PLEKHA8: variants seen among roughly 807,000 people sequenced by gnomAD.
PLEKHA8 encodes pleckstrin homology domain containing A8.
Under a neutral mutation model 68.2 loss-of-function variants are expected in PLEKHA8, and 36 were observed. The observed-to-expected ratio is 0.53, with a 90% CI of 0.40 to 0.70. The LOEUF is 0.70. PLEKHA8 is among the 30% of genes least tolerant of loss of function. The pLI is 0.00. For missense variants in PLEKHA8, 505 were observed against 615.4 expected (o/e 0.82, Z 1.90); for synonymous variants, 211 against 216.1 (o/e 0.98, Z 0.20).
chr7:30,055,375 A>G (rs181057965), intron 9 of PLEKHA8, 33 bp downstream of exon 9: 2 of 1,580,656 alleles, frequency 1.3e-6, no homozygotes, highest in Non-Finnish European at 1.7e-6. Flanking sequence ...ACATTCATTC[A>G]TGTCTAGAAT....
intron 1 of PLEKHA8, among the ~76,000 whole-genome samples, chr7:30,033,200 G>A (rs1258211014): frequency 6.6e-6 from 1 of 152,164 alleles, no homozygotes; most frequent in Non-Finnish European, 1.5e-5. Flanking sequence ...GTACAAGTCA[G>A]TGATTTTAGT....
intron 13 of PLEKHA8, among the ~76,000 whole-genome samples, chr7:30,105,017 C>T (rs892432586): frequency 3.3e-5 from 5 of 151,960 alleles, no homozygotes; most frequent in Non-Finnish European, 7.4e-5. Flanking sequence ...TGAGCCACTG[C>T]GCCCAGCCTC....
intron 1 of PLEKHA8, among the ~76,000 whole-genome samples, chr7:30,029,924 T>A (rs549851059): frequency 1.3e-4 from 20 of 152,360 alleles, no homozygotes; most frequent in African/African-American, 3.6e-4. Context: ...CTTTGCTTAG[T>A]GTAATTAGCA....
In PLEKHA8 at chr7:30,028,847, TTGTC is replaced by T. The variant is rs766211095; in HGVS notation, c.40+48_40+51del. On this transcript the variant is annotated intron_variant, in intron 1 of 13. Coordinates refer to ENST00000449726, the MANE Select transcript of PLEKHA8 (RefSeq NM_001197026.2). ...CGGGGGCGCGCCGGGGGCCGGTCCT[TTGTC>T]TGCGCGGCTGGAGGGCGGTGTCTGG... 5.8e-5 allele frequency: 73 copies of T among 1,249,672 alleles called. No homozygotes were observed. The East Asian group carries it at 9.4e-4, about 16-fold the overall frequency. The allele number at this position is 1,249,672 out of a possible 1,614,324, so 77.4% of individuals were successfully genotyped here. A position where few individuals can be genotyped will look rare whatever the true frequency, so the allele number is the denominator to read the frequency against.
At chr7:30,102,772 G>T (rs1795897874) in intron 13 of PLEKHA8, among the ~76,000 whole-genome samples, 2 of 152,234 alleles carry the variant, frequency 1.3e-5, no homozygotes, top group Non-Finnish European at 2.9e-5. Context: ...GGGCACCCAG[G>T]TGTGGTGGCT....
rs931787038 is a variant in PLEKHA8, at chr7:30,028,683, C to G, written c.-80C>G. 4 of 1,111,928 alleles carry G rather than the reference C, an allele frequency of 3.6e-6. No individual in the cohort carries two copies. Among genetic ancestry groups the G allele is most frequent in the Non-Finnish European group, 4.6e-6 (4 of 871,260 alleles). 68.9% of individuals were successfully genotyped at this position (1,111,928 alleles called of 1,614,324 possible). A position where few individuals can be genotyped will look rare whatever the true frequency, so the allele number is the denominator to read the frequency against. ...GTCTGGGCAGCGCCAGGCGATGGCC[C>G]TGCTGCTGGTGCTCCTCGCCTCTTG... On this transcript the variant is annotated 5_prime_UTR_variant, in exon 1 of 14. Coordinates refer to ENST00000449726, the MANE Select transcript of PLEKHA8 (RefSeq NM_001197026.2).
At chr7:30,041,570 T>A (rs1008543111) in intron 1 of PLEKHA8, among the ~76,000 whole-genome samples, 2 of 151,922 alleles carry the variant, frequency 1.3e-5, no homozygotes, top group Non-Finnish European at 2.9e-5. Context: ...GTTTTTAAAA[T>A]TTTTTGTTGA....
At position 30,080,419 on chromosome 7, in the gene PLEKHA8, G is replaced by A; in HGVS notation, c.*1632G>A. ...TCCAGGGTAGAAGGTCCTTTGAGGG[G>A]CTTGGTTGAATTGAGAGCATCATCT... On this transcript the variant is annotated 3_prime_UTR_variant, in exon 14 of 14. Transcript: ENST00000449726. 2.0e-6 allele frequency: 2 copies of A among 985,226 alleles called. No individual in the cohort carries two copies. The highest frequency in any genetic ancestry group is 3.5e-5 in the African/African-American group (2 of 57,286). 61.0% of individuals were successfully genotyped at this position (985,226 alleles called of 1,614,324 possible).
At chr7:30,107,028 C>T (rs1796085802) in intron 13 of PLEKHA8, among the ~76,000 whole-genome samples, 1 of 152,064 alleles carries the variant, frequency 6.6e-6, no homozygotes, top group Non-Finnish European at 1.5e-5. Context: ...CTTTAATCTT[C>T]TGTATGAATT....
At position 30,082,181 on chromosome 7, in the gene PLEKHA8, T is replaced by G; in HGVS notation, c.*3394T>G. On this transcript the variant is annotated 3_prime_UTR_variant, in exon 14 of 14. Transcript: ENST00000449726. Reference sequence around the variant, plus strand: ...AGGCACCTTCTTATCATTTTTTGCATGTTATTCTGATTATTAAACTTCCCC... The same window carrying G: ...AGGCACCTTCTTATCATTTTTTGCAGGTTATTCTGATTATTAAACTTCCCC... The G allele has an allele frequency of 1.0e-6, 1 of 985,420 alleles. No individual in the cohort carries two copies. The highest frequency in any genetic ancestry group is 1.2e-6 in the Non-Finnish European group (1 of 829,924). The allele number at this position is 985,420 out of a possible 1,614,324, so 61.0% of individuals were successfully genotyped here. A position where few individuals can be genotyped will look rare whatever the true frequency, so the allele number is the denominator to read the frequency against.
chr7:30,076,615 T>A (rs1290311186), intron 13 of PLEKHA8, among the ~76,000 whole-genome samples: 2 of 152,294 alleles, frequency 1.3e-5, no homozygotes, highest in East Asian at 3.9e-4. Context: ...TGAGGTAATA[T>A]ACCCAAGGTT....
intron 13 of PLEKHA8, among the ~76,000 whole-genome samples, chr7:30,119,376 T>G (rs1433929760): frequency 4.6e-5 from 7 of 152,190 alleles, no homozygotes; most frequent in Non-Finnish European, 1.0e-4. Flanking sequence ...TCATAGCTAG[T>G]ACATGAAAGC....
intron 9 of PLEKHA8, among the ~76,000 whole-genome samples, chr7:30,058,906 C>G (rs894364509): frequency 6.6e-6 from 1 of 152,224 alleles, no homozygotes; most frequent in East Asian, 1.9e-4. Flanking sequence ...GCAGGAGGAT[C>G]GCTTGAAACC....
chr7:30,078,979 T>G lies in PLEKHA8; in HGVS notation c.*192T>G. 5 of 1,375,538 alleles carry G rather than the reference T, an allele frequency of 3.6e-6. No homozygotes were observed. The highest frequency in any genetic ancestry group is 4.7e-6 in the Non-Finnish European group (5 of 1,067,456). 85.2% of individuals were successfully genotyped at this position (1,375,538 alleles called of 1,614,324 possible). On this transcript the variant is annotated 3_prime_UTR_variant, in exon 14 of 14. Transcript: ENST00000449726. The stretch of plus-strand genomic sequence containing the variant: ...GTTTTGTTTAAAGATCAAGGTGCTA[T>G]ATATTTCAGTTCAGCAGGCCTACTG...
chr7:30,030,296 T>G (rs370455803), intron 1 of PLEKHA8, among the ~76,000 whole-genome samples: 2 of 152,232 alleles, frequency 1.3e-5, no homozygotes, highest in African/African-American at 4.8e-5. Flanking sequence ...TTTGTTGTTT[T>G]GTGGGGTTTT....
At chr7:30,058,958 C>G (rs565544800) in intron 9 of PLEKHA8, among the ~76,000 whole-genome samples, 71 of 152,308 alleles carry the variant, frequency 4.7e-4, no homozygotes, top group African/African-American at 1.7e-3. Flanking sequence ...AAGACCCTGT[C>G]TCTATGAAAA....
rs368342396 is a variant in PLEKHA8, at chr7:30,065,802, A to C, written c.1300+3060A>C. On this transcript the variant is annotated intron_variant, in intron 12 of 13. Transcript: ENST00000449726. ...CAAATACTCTCCAGTGAATAAACTG[A>C]GGTTTAAAGAGGATAAATACCTTCC... Among the ~76,000 whole-genome samples, 32 of 152,330 alleles carry C rather than the reference A, an allele frequency of 2.1e-4. No individual in the cohort carries two copies. The South Asian group carries it at 4.3e-3, about 21-fold the overall frequency.
rs1311319782 is a variant in PLEKHA8, at chr7:30,079,240, TAG to T, written c.*456_*457del. The T allele has an allele frequency of 2.0e-6, 2 of 994,898 alleles. No homozygotes were observed. The highest frequency in any genetic ancestry group is 4.5e-5 in the South Asian group (1 of 22,174). The allele number at this position is 994,898 out of a possible 1,614,324, so 61.6% of individuals were successfully genotyped here. A position where few individuals can be genotyped will look rare whatever the true frequency, so the allele number is the denominator to read the frequency against. ...TATAAGCTGCTTTGTTGAAGCTGTG[TAG>T]AGTTTGCTGTTCCTAGATGTTCTTC... On this transcript the variant is annotated 3_prime_UTR_variant, in exon 14 of 14. Coordinates refer to ENST00000449726, the MANE Select transcript of PLEKHA8 (RefSeq NM_001197026.2).
At chr7:30,064,526 G>A (rs1793682135) in intron 12 of PLEKHA8, among the ~76,000 whole-genome samples, 2 of 152,098 alleles carry the variant, frequency 1.3e-5, no homozygotes, top group Admixed American at 1.3e-4. Context: ...CTGGGCAATC[G>A]AGTGAGACCA....
Sources: gnomAD v4.1 joint callset for allele counts (sites outside exome capture counted in the v4.1 genomes callset) on GRCh38, gnomAD v4.1.1 for gene constraint, MANE v1.5 for transcripts, NCBI Gene and HGNC (gene_info 2026-07-23, HGNC 2026-07-21) for gene names.